The following SLC25A21 variants were observed in gnomAD, a reference collection of about 807,000 sequenced individuals.
SLC25A21 encodes mitochondrial 2-oxodicarboxylate carrier.
Under a neutral mutation model 43.8 loss-of-function variants are expected in SLC25A21, and 47 were observed. The observed-to-expected ratio is 1.07, with a 90% CI of 0.85 to 1.37. The LOEUF (loss-of-function observed/expected upper bound fraction) is 1.37. Among genes scored for constraint, SLC25A21 ranks in the 40% most tolerant of loss-of-function variants. The probability of loss-of-function intolerance (pLI) is 0.00; values close to 1 mark genes in which losing one functional copy is unlikely to be tolerated. For missense variants in SLC25A21, 352 were observed against 350.2 expected (o/e 1.00, Z -0.04); for synonymous variants, 131 against 121.3 (o/e 1.08, Z -0.52).
intron 1 of SLC25A21, among the ~76,000 whole-genome samples, chr14:36,984,115 T>C (rs1960092150): frequency 6.6e-6 from 1 of 152,188 alleles, no homozygotes; most frequent in East Asian, 1.9e-4. Flanking sequence ...CCTGCACGTG[T>C]ATCCCCCTGA....
chr14:36,756,746 C>T (rs1403070854), intron 3 of SLC25A21, among the ~76,000 whole-genome samples: 2 of 152,082 alleles, frequency 1.3e-5, no homozygotes, highest in Admixed American at 6.6e-5. Flanking sequence ...TTCCTTAGAA[C>T]CAAATTTAAA....
At chr14:36,906,269 T>C (rs1891530636) in intron 1 of SLC25A21, among the ~76,000 whole-genome samples, 1 of 152,170 alleles carries the variant, frequency 6.6e-6, no homozygotes. Context: ...AAGGAATATA[T>C]GTTCATTCAA....
chr14:36,822,744 G>C (rs377320678), intron 2 of SLC25A21, among the ~76,000 whole-genome samples: 1 of 152,182 alleles, frequency 6.6e-6, no homozygotes, highest in African/African-American at 2.4e-5. Flanking sequence ...AACCCTGATA[G>C]CCTGAATATA....
intron 1 of SLC25A21, among the ~76,000 whole-genome samples, chr14:37,111,525 G>A (rs967108401): frequency 5.3e-5 from 8 of 152,202 alleles, no homozygotes; most frequent in African/African-American, 1.4e-4. Context: ...AGAGAACTCC[G>A]TTTATTTTAT....
chr14:36,708,077 CTG>C (rs1052290255), intron 7 of SLC25A21, among the ~76,000 whole-genome samples: 9 of 152,124 alleles, frequency 5.9e-5, no homozygotes, highest in South Asian at 2.1e-4. Flanking sequence ...CAGTGAAACA[CTG>C]TTTCAAAAAA....
At chr14:36,695,991 T>G (rs1883005535) in intron 7 of SLC25A21, among the ~76,000 whole-genome samples, 1 of 152,190 alleles carries the variant, frequency 6.6e-6, no homozygotes, top group South Asian at 2.1e-4. Flanking sequence ...GTGCCGGTTT[T>G]CAAAGGGAAT....
rs975778438 is a variant in SLC25A21 at position 36,824,359 on chromosome 14, A to G, written c.120-10358T>C. Among the ~76,000 whole-genome samples the G allele has an allele frequency of 3.3e-5, 5 of 152,134 alleles. 1 individual carries two copies. The highest frequency in any genetic ancestry group is 1.2e-4 in the African/African-American group (5 of 41,438). ...AAGGGAGGTTTTTATTTTTATATCA[A>G]GATTAACCTCACATGTTACCAAGAT... On this transcript the variant is annotated intron_variant, in intron 2 of 9. Coordinates refer to ENST00000331299, the MANE Select transcript of SLC25A21 (RefSeq NM_030631.4).
intron 3 of SLC25A21, among the ~76,000 whole-genome samples, chr14:36,803,200 A>C (rs1211319206): frequency 6.6e-6 from 1 of 152,204 alleles, no homozygotes; most frequent in Non-Finnish European, 1.5e-5. Context: ...GAACAGTTTG[A>C]AAACAGGGTT....
At chr14:37,170,918 C>G (rs1454321577) in intron 1 of SLC25A21, among the ~76,000 whole-genome samples, 1 of 77,336 alleles carries the variant, frequency 1.3e-5, no homozygotes. Context: ...AAGCCCGTCT[C>G]TACAAAAAAA....
intron 1 of SLC25A21, among the ~76,000 whole-genome samples, chr14:36,976,722 G>A (rs570527136): frequency 5.8e-4 from 88 of 152,330 alleles, no homozygotes; most frequent in African/African-American, 2.0e-3. Context: ...CACTGGCTGG[G>A]ACAGCAGAAG....
intron 1 of SLC25A21, among the ~76,000 whole-genome samples, chr14:37,149,468 G>T (rs1963721906): frequency 6.6e-6 from 1 of 151,960 alleles, no homozygotes; most frequent in East Asian, 1.9e-4. Context: ...AATCCGCTAG[G>T]GCCGGCCACG....
chr14:36,707,098 T>A (rs1367248105), intron 7 of SLC25A21, among the ~76,000 whole-genome samples: 1 of 152,174 alleles, frequency 6.6e-6, no homozygotes, highest in African/African-American at 2.4e-5. Context: ...TTATCCAAGG[T>A]ACCCAGCTCT....
intron 1 of SLC25A21, 128 bp from the exon 2 acceptor site, chr14:36,875,132 T>C (rs1327818543): frequency 1.3e-5 from 8 of 595,552 alleles, no homozygotes; most frequent in African/African-American, 7.5e-5. Flanking sequence ...TGACAGCTAA[T>C]AGTAATAGGC....
intron 5 of SLC25A21, among the ~76,000 whole-genome samples, chr14:36,726,490 A>G (rs1408737781): frequency 6.6e-6 from 1 of 152,160 alleles, no homozygotes; most frequent in African/African-American, 2.4e-5. Flanking sequence ...AAAGACAAAG[A>G]CAAAGAAATG....
intron 1 of SLC25A21, among the ~76,000 whole-genome samples, chr14:36,970,008 T>C (rs954075747): frequency 1.3e-5 from 2 of 152,164 alleles, no homozygotes; most frequent in Non-Finnish European, 2.9e-5. Context: ...CCCAGATAAA[T>C]TCCTATAAAG....
chr14:37,068,296 A>G (rs1962100645), intron 1 of SLC25A21, among the ~76,000 whole-genome samples: 1 of 152,244 alleles, frequency 6.6e-6, no homozygotes, highest in South Asian at 2.1e-4. Context: ...GACAGTGATT[A>G]AAGTGCTTTT....
intron 3 of SLC25A21, among the ~76,000 whole-genome samples, chr14:36,801,953 G>C (rs2138421457): frequency 6.6e-6 from 1 of 152,246 alleles, no homozygotes; most frequent in Non-Finnish European, 1.5e-5. Flanking sequence ...GACCCTCTCA[G>C]TGCCATTCAG....
chr14:36,738,678 C>G (rs1189234608), intron 3 of SLC25A21, among the ~76,000 whole-genome samples: 1 of 152,196 alleles, frequency 6.6e-6, no homozygotes, highest in Non-Finnish European at 1.5e-5. Context: ...ACTACAACAC[C>G]TCCCATAAAA....
At chr14:37,008,719 C>A (rs17178171) in intron 1 of SLC25A21, among the ~76,000 whole-genome samples, 5 of 152,088 alleles carry the variant, frequency 3.3e-5, no homozygotes, top group Non-Finnish European at 5.9e-5. Flanking sequence ...AAGGGAGAGA[C>A]GCTTTGATTA....
Sources: allele counts gnomAD v4.1 joint callset (sites outside exome capture counted in the v4.1 genomes callset), GRCh38; gene constraint gnomAD v4.1.1; transcripts MANE v1.5; gene names NCBI Gene and HGNC (gene_info 2026-07-23, HGNC 2026-07-21).